SPOP: variants seen among roughly 807,000 people sequenced by gnomAD.
SPOP encodes the protein speckle type BTB/POZ protein.
A neutral mutation model predicts 45.6 loss-of-function variants in SPOP; 11 were observed. The ratio of observed to expected loss-of-function variants is 0.24; its 90% CI spans 0.15 to 0.40. The LOEUF (loss-of-function observed/expected upper bound fraction) is 0.40. SPOP is among the 10% of genes least tolerant of loss of function. The pLI is 1.00. For synonymous variants in SPOP, 166 were observed against 166.3 expected (o/e 1.00, Z 0.01); for missense variants, 152 against 465.6 (o/e 0.33, Z 6.20).
At chr17:49,601,596 T>A (rs1346241283) in intron 9 of SPOP, 2 of 338,384 alleles carry the variant, frequency 5.9e-6, no homozygotes, top group Admixed American at 8.7e-5. Flanking sequence ...AAAGATACTA[T>A]CATTTGGGGC....
At chr17:49,616,021 C>T (rs1444507932) in intron 5 of SPOP, among the ~76,000 whole-genome samples, 1 of 152,152 alleles carries the variant, frequency 6.6e-6, no homozygotes, top group Admixed American at 6.5e-5. Context: ...GGAAGAACTG[C>T]CACATTTCCT....
intron 1 of SPOP, among the ~76,000 whole-genome samples, chr17:49,645,478 T>G (rs1275048485): frequency 6.6e-6 from 1 of 151,930 alleles, no homozygotes; most frequent in Non-Finnish European, 1.5e-5. Context: ...TTTTTTTTTG[T>G]TTTTAGTAGA....
chr17:49,663,115 A>G (rs1462721491), intron 1 of SPOP, among the ~76,000 whole-genome samples: 2 of 152,244 alleles, frequency 1.3e-5, no homozygotes, highest in Non-Finnish European at 2.9e-5. Flanking sequence ...TTACCGACCC[A>G]TGGCCTGTTA....
At chr17:49,654,922 G>A (rs752160902) in intron 1 of SPOP, among the ~76,000 whole-genome samples, 7 of 152,170 alleles carry the variant, frequency 4.6e-5, no homozygotes, top group African/African-American at 7.2e-5. Flanking sequence ...TAGCAAAACT[G>A]AGGAACAGAT....
intron 1 of SPOP, chr17:49,646,447 C>G (rs1476325264): frequency 4.6e-5 from 7 of 151,926 alleles, no homozygotes; most frequent in Non-Finnish European, 1.0e-4. Context: ...GCCTGTAATC[C>G]CAGCTACTTG....
At chr17:49,657,468 G>C (rs113160504) in intron 1 of SPOP, among the ~76,000 whole-genome samples, 1 of 151,736 alleles carries the variant, frequency 6.6e-6, no homozygotes, top group African/African-American at 2.4e-5. Flanking sequence ...GCGTGATCTC[G>C]GCTCACTGCA....
At chr17:49,625,030 C>T (rs1182983199) in intron 1 of SPOP, among the ~76,000 whole-genome samples, 1 of 151,952 alleles carries the variant, frequency 6.6e-6, no homozygotes, top group Non-Finnish European at 1.5e-5. Context: ...TAGAGTGCAC[C>T]ACAATCTCCT....
intron 1 of SPOP, among the ~76,000 whole-genome samples, chr17:49,676,896 T>G (rs1488605550): frequency 6.6e-6 from 1 of 152,200 alleles, no homozygotes; most frequent in East Asian, 1.9e-4. Context: ...GAAAGAAACA[T>G]CACATTACTT....
intron 1 of SPOP, among the ~76,000 whole-genome samples, chr17:49,635,632 C>CTCCTTTT (rs1555577958): frequency 2.5e-5 from 3 of 121,642 alleles, no homozygotes; most frequent in Admixed American, 9.2e-5. Flanking sequence ...AGGTATCTCT[C>CTCCTTTT]TTTTTTTTTT....
chr17:49,673,945 G>C (rs544525409), intron 1 of SPOP, among the ~76,000 whole-genome samples: 9 of 151,834 alleles, frequency 5.9e-5, no homozygotes, highest in Admixed American at 2.6e-4. Context: ...TCAGGAATTC[G>C]AGACCAGCCT....
At chr17:49,633,323 C>G (rs2072486390) in intron 1 of SPOP, among the ~76,000 whole-genome samples, 1 of 152,076 alleles carries the variant, frequency 6.6e-6, no homozygotes, top group Non-Finnish European at 1.5e-5. Flanking sequence ...AGGTACATGA[C>G]TCTCAAGTCA....
chr17:49,649,717 T>C (rs2072815125), intron 1 of SPOP, among the ~76,000 whole-genome samples: 1 of 150,800 alleles, frequency 6.6e-6, no homozygotes, highest in Non-Finnish European at 1.5e-5. Flanking sequence ...TAGTCCCAGC[T>C]GCTCGGGAGG....
chr17:49,678,152 G>T (rs564104381), upstream of SPOP: 92 of 393,690 alleles, frequency 2.3e-4, no homozygotes, highest in African/African-American at 1.8e-3. Flanking sequence ...CACCCCGCGC[G>T]GCCTCCTCCC....
intron 1 of SPOP, among the ~76,000 whole-genome samples, chr17:49,663,821 G>GT (rs2073018744): frequency 6.6e-6 from 1 of 152,226 alleles, no homozygotes. Context: ...ACAAGTGACA[G>GT]TATTTGTTGC....
intron 1 of SPOP, among the ~76,000 whole-genome samples, chr17:49,672,031 T>C (rs1440439571): frequency 6.6e-6 from 1 of 151,988 alleles, no homozygotes; most frequent in African/African-American, 2.4e-5. Context: ...TCCCAGCTAA[T>C]TGGAAGGTTG....
intron 1 of SPOP, among the ~76,000 whole-genome samples, chr17:49,675,276 T>C (rs1338732447): frequency 6.6e-6 from 1 of 152,264 alleles, no homozygotes; most frequent in Non-Finnish European, 1.5e-5. Flanking sequence ...AATGGAATTA[T>C]CTGCCATCTT....
intron 1 of SPOP, among the ~76,000 whole-genome samples, chr17:49,665,290 T>C (rs1288805393): frequency 6.6e-6 from 1 of 152,088 alleles, no homozygotes; most frequent in Admixed American, 6.6e-5. Flanking sequence ...CATGTGAATA[T>C]ATTTTGGACA....
chr17:49,602,760 TTTCAGTTTAAAAAC>T lies in SPOP; in HGVS notation c.838-767_838-754del, dbSNP rs552612994. 5.6e-4 allele frequency among the ~76,000 whole-genome samples: 86 copies of T among 152,288 alleles called. 1 individual carries two copies. The highest frequency in any genetic ancestry group is 1.8e-3 in the African/African-American group (74 of 41,552). On this transcript the variant is annotated intron_variant, in intron 8 of 9. Transcript: ENST00000504102. Reference sequence around the variant, plus strand: ...AAAGTGGCAGAGAGCCTAAATGCAGTTTCAGTTTAAAAACTTCAGTTTAAAAACTTGTATTTTCT... The same window carrying T: ...AAAGTGGCAGAGAGCCTAAATGCAGTTTCAGTTTAAAAACTTGTATTTTCT...
intron 1 of SPOP, among the ~76,000 whole-genome samples, chr17:49,647,669 C>T (rs997723159): frequency 4.6e-5 from 7 of 151,954 alleles, no homozygotes; most frequent in East Asian, 1.9e-4. Flanking sequence ...TTAGCAGAGA[C>T]GGGGTTTCAC....
Sources: gnomAD v4.1 joint callset for allele counts (sites outside exome capture counted in the v4.1 genomes callset) on GRCh38, gnomAD v4.1.1 for gene constraint, MANE v1.5 for transcripts, NCBI Gene and HGNC (gene_info 2026-07-23, HGNC 2026-07-21) for gene names.